Variants in AP1S3 observed in about 807,000 individuals in gnomAD.
The protein encoded by AP1S3 is AP-1 complex subunit sigma-3.
AP1S3 carries 10 observed loss-of-function variants against 20.9 expected under a neutral mutation model. That is an observed-to-expected ratio of 0.48 (90% CI 0.29 to 0.81). The LOEUF (loss-of-function observed/expected upper bound fraction) is 0.81. AP1S3 is among the 30% of genes least tolerant of loss of function. The pLI, the probability that AP1S3 is intolerant of heterozygous loss-of-function variation, is 0.08. For synonymous variants in AP1S3, 41 were observed against 61.5 expected (o/e 0.67, Z 1.56); for missense variants, 154 against 183.8 (o/e 0.84, Z 0.94).
chr2:223,824,603 T>A (rs12464156), intron 1 of AP1S3, among the ~76,000 whole-genome samples: 1 of 152,034 alleles, frequency 6.6e-6, no homozygotes, highest in East Asian at 1.9e-4. Context: ...AGTGGCGCTA[T>A]CTCGGCTCAT....
At chr2:223,789,822 T>TCCGTCTCAAAAAAAAAAA (rs1691169773) in intron 1 of AP1S3, among the ~76,000 whole-genome samples, 1 of 123,350 alleles carries the variant, frequency 8.1e-6, no homozygotes, top group Admixed American at 9.4e-5. Context: ...TCGGTGATAG[T>TCCGTCTCAAAAAAAAAAA]ACAAGACTCT....
rs1194301963 is a variant in AP1S3 at position 223,769,811 on chromosome 2, T to TGGAGTG, written c.292-4462_292-4461insCACTCC. 2.2e-5 allele frequency among the ~76,000 whole-genome samples: 3 copies of TGGAGTG among 137,636 alleles called. No homozygotes were observed. In the East Asian group the frequency reaches 7.2e-4, roughly 33 times the overall value. 90.3% of individuals were successfully genotyped at this position (137,636 alleles called of 152,430 possible). ...CAGGCTGGAGTGCAGTGGCGCGATC[T>TGGAGTG]CGGCTCACTGAAGGCTCCGCCCCCC... On this transcript the variant is annotated intron_variant, in intron 3 of 4. Coordinates refer to ENST00000396654, the MANE Select transcript of AP1S3 (RefSeq NM_001039569.2).
At chr2:223,825,153 A>T (rs1281071074) in intron 1 of AP1S3, among the ~76,000 whole-genome samples, 1 of 151,932 alleles carries the variant, frequency 6.6e-6, no homozygotes, top group Non-Finnish European at 1.5e-5. Context: ...ACTAAAAAAA[A>T]ATACAAAAAA....
chr2:223,837,427 C>T, intron 1 of AP1S3, 21 bp downstream of exon 1: 7 of 1,227,450 alleles, frequency 5.7e-6, no homozygotes, highest in Non-Finnish European at 7.2e-6. Context: ...CTACCCGGGC[C>T]GGCGGTTCCC....
At chr2:223,788,350 C>T (rs1409299451) in intron 1 of AP1S3, among the ~76,000 whole-genome samples, 3 of 151,694 alleles carry the variant, frequency 2.0e-5, no homozygotes, top group Non-Finnish European at 2.9e-5. Context: ...TGGTGGCTCA[C>T]GCCTGTAATC....
chr2:223,807,892 T>TTTTTC (rs1691625676), intron 1 of AP1S3, among the ~76,000 whole-genome samples: 2 of 132,058 alleles, frequency 1.5e-5, no homozygotes, highest in Non-Finnish European at 3.2e-5. Flanking sequence ...TTTTTTTTTT[T>TTTTTC]GGAGACAAGG....
rs1690228735 is a variant in AP1S3, at chr2:223,756,629, G to T, written c.*2086C>A. 3 of 984,984 alleles carry T rather than the reference G, an allele frequency of 3.0e-6. No individual in the cohort carries two copies. The African/African-American group carries it at 5.2e-5, about 17-fold the overall frequency. 61.0% of individuals were successfully genotyped at this position (984,984 alleles called of 1,614,324 possible). On this transcript the variant is annotated 3_prime_UTR_variant, in exon 5 of 5. Coordinates refer to ENST00000396654, the MANE Select transcript of AP1S3 (RefSeq NM_001039569.2). ...TTACATGGTAACCTGAAGAAATATT[G>T]GATAGTAAAAGCCTAATGATTATTT...
intron 1 of AP1S3, among the ~76,000 whole-genome samples, chr2:223,809,537 C>T (rs188455607): frequency 0.014 from 2,046 of 151,454 alleles, 57 homozygotes; most frequent in African/African-American, 0.045. Flanking sequence ...CCCAGCTACT[C>T]GGGAGGCTGA....
chr2:223,835,777 C>T (rs371696747), intron 1 of AP1S3, among the ~76,000 whole-genome samples: 1 of 152,182 alleles, frequency 6.6e-6, no homozygotes, highest in Non-Finnish European at 1.5e-5. Flanking sequence ...AAATAAAACT[C>T]CACCACAGGT....
rs1160259543 is a variant in AP1S3 at position 223,776,016 on chromosome 2, A to G, written c.183-7T>C. On this transcript the variant is annotated splice_polypyrimidine_tract_variant and splice_region_variant and intron_variant, in intron 2 of 4. Coordinates refer to ENST00000396654, the MANE Select transcript of AP1S3 (RefSeq NM_001039569.2). ...AAAATATAAACTAGCATACCTTGAAATGAAAAATAACAAAAGCAAAATATG... is the reference window on the plus strand; with the variant it reads ...AAAATATAAACTAGCATACCTTGAAGTGAAAAATAACAAAAGCAAAATATG... The G allele has an allele frequency of 3.7e-6, 6 of 1,610,414 alleles. No homozygotes were observed. The highest frequency in any genetic ancestry group is 4.2e-6 in the Non-Finnish European group (5 of 1,177,352).
At chr2:223,773,362 T>C (rs766876850) in intron 3 of AP1S3, 7 of 1,303,920 alleles carry the variant, frequency 5.4e-6, no homozygotes, top group East Asian at 5.5e-5. Context: ...CTGTAGTTTA[T>C]TTCAAAGGAA....
intron 1 of AP1S3, among the ~76,000 whole-genome samples, chr2:223,811,812 C>A (rs542026377): frequency 6.6e-6 from 1 of 152,088 alleles, no homozygotes; most frequent in African/African-American, 2.4e-5. Flanking sequence ...TGTCTTAAGG[C>A]CTGCTTATTC....
At chr2:223,806,027 T>G (rs1157308682) in intron 1 of AP1S3, among the ~76,000 whole-genome samples, 1 of 152,038 alleles carries the variant, frequency 6.6e-6, no homozygotes, top group African/African-American at 2.4e-5. Context: ...AACATCAGAC[T>G]CTCAACTTCT....
rs146867706 is a variant in AP1S3 at position 223,791,562 on chromosome 2, C to A, written c.4-13693G>T. 5.1e-4 allele frequency among the ~76,000 whole-genome samples: 78 copies of A among 152,280 alleles called. No homozygotes were observed. The East Asian group carries it at 0.015, about 29-fold the overall frequency. On this transcript the variant is annotated intron_variant, in intron 1 of 4. Coordinates refer to ENST00000396654, the MANE Select transcript of AP1S3 (RefSeq NM_001039569.2). ...AATAATAAGGCCATTTGTGACAAAA[C>A]CACAGCCAATATCATGCTGAATGGG...
At chr2:223,812,945 T>C (rs1338544771) in intron 1 of AP1S3, among the ~76,000 whole-genome samples, 2 of 152,034 alleles carry the variant, frequency 1.3e-5, no homozygotes, top group African/African-American at 2.4e-5. Context: ...TTTTTTTAAT[T>C]TGAGATAGAG....
At chr2:223,790,343 T>C (rs1163897402) in intron 1 of AP1S3, among the ~76,000 whole-genome samples, 1 of 150,824 alleles carries the variant, frequency 6.6e-6, no homozygotes, top group Admixed American at 6.6e-5. Context: ...GCAATTCTCC[T>C]ACCTCAGCCT....
chr2:223,811,066 G>A (rs1040214624), intron 1 of AP1S3, among the ~76,000 whole-genome samples: 2 of 150,990 alleles, frequency 1.3e-5, no homozygotes, highest in Non-Finnish European at 2.9e-5. Flanking sequence ...ACTGTAGAGT[G>A]GTGAAGTCTG....
At chr2:223,814,372 A>G (rs906164363) in intron 1 of AP1S3, among the ~76,000 whole-genome samples, 2 of 152,174 alleles carry the variant, frequency 1.3e-5, no homozygotes, top group Non-Finnish European at 2.9e-5. Flanking sequence ...CATCTAGTTC[A>G]TAGCCGGCAG....
intron 1 of AP1S3, among the ~76,000 whole-genome samples, chr2:223,816,671 G>C (rs1273232417): frequency 7.9e-5 from 12 of 152,178 alleles, no homozygotes; most frequent in Non-Finnish European, 1.5e-5. Context: ...CATCCTCCCT[G>C]CAATCAAATG....
Sources: allele counts gnomAD v4.1 joint callset (sites outside exome capture counted in the v4.1 genomes callset), GRCh38; gene constraint gnomAD v4.1.1; transcripts MANE v1.5; gene names NCBI Gene and HGNC (gene_info 2026-07-23, HGNC 2026-07-21).